The following DPP10 variants were observed in gnomAD, a reference collection of about 807,000 sequenced individuals.
DPP10 encodes the protein inactive dipeptidyl peptidase 10.
In DPP10, 33 loss-of-function variants were observed where a neutral mutation model predicts 120.9. That is an observed-to-expected ratio of 0.27 (90% CI 0.21 to 0.37). The LOEUF (loss-of-function observed/expected upper bound fraction) is 0.37. Ranked by LOEUF, DPP10 falls within the 10% of genes least tolerant of loss-of-function variation. The pLI, the probability that DPP10 is intolerant of heterozygous loss-of-function variation, is 1.00. For synonymous variants in DPP10, 337 were observed against 326.1 expected (o/e 1.03, Z -0.36); for missense variants, 816 against 942.8 (o/e 0.87, Z 1.76).
intron 21 of DPP10, among the ~76,000 whole-genome samples, chr2:115,818,057 A>T (rs1336257440): frequency 6.6e-6 from 1 of 152,208 alleles, no homozygotes; most frequent in Non-Finnish European, 1.5e-5. Flanking sequence ...TTGAAAAAAA[A>T]GAGAGGGATG....
intron 1 of DPP10, among the ~76,000 whole-genome samples, chr2:114,868,866 T>C (rs993664429): frequency 6.6e-6 from 1 of 152,192 alleles, no homozygotes; most frequent in Non-Finnish European, 1.5e-5. Context: ...CAGAGCTGGC[T>C]CTGCCACGTC....
At chr2:115,755,248 A>T (rs183151586) in intron 11 of DPP10, among the ~76,000 whole-genome samples, 3 of 152,242 alleles carry the variant, frequency 2.0e-5, no homozygotes. Flanking sequence ...CAATAAATAA[A>T]CAGGTGGAAA....
intron 1 of DPP10, among the ~76,000 whole-genome samples, chr2:114,837,535 G>T (rs1687837971): frequency 6.6e-6 from 1 of 152,034 alleles, no homozygotes; most frequent in African/African-American, 2.4e-5. Context: ...AATGTAGAAG[G>T]TTAGTTGCTT....
intron 1 of DPP10, among the ~76,000 whole-genome samples, chr2:114,924,329 C>A (rs980949569): frequency 3.9e-5 from 6 of 151,976 alleles, no homozygotes; most frequent in Admixed American, 1.3e-4. Context: ...GAGTTTGAGA[C>A]CAGGCTGGGC....
At chr2:114,514,098 A>G (rs1293192399) in intron 1 of DPP10, among the ~76,000 whole-genome samples, 1 of 152,206 alleles carries the variant, frequency 6.6e-6, no homozygotes, top group Non-Finnish European at 1.5e-5. Flanking sequence ...GAAAACCTCA[A>G]ATTCAGTGGA....
intron 1 of DPP10, among the ~76,000 whole-genome samples, chr2:115,154,984 C>T (rs1188184549): frequency 4.0e-5 from 6 of 151,736 alleles, no homozygotes; most frequent in Admixed American, 6.6e-5. Context: ...CTCCGCCTCC[C>T]GGGTTCAAGT....
chr2:115,463,657 A>T (rs1447723213), intron 3 of DPP10, among the ~76,000 whole-genome samples: 1 of 152,050 alleles, frequency 6.6e-6, no homozygotes, highest in Non-Finnish European at 1.5e-5. Flanking sequence ...ATCATACTTT[A>T]TTTTGGTCCA....
intron 1 of DPP10, among the ~76,000 whole-genome samples, chr2:114,708,703 A>C (rs1700835594): frequency 6.6e-6 from 1 of 152,176 alleles, no homozygotes; most frequent in Non-Finnish European, 1.5e-5. Flanking sequence ...TGGGTGTCAG[A>C]AAAGTCCTAA....
At chr2:115,154,974 C>T (rs1028738200) in intron 1 of DPP10, among the ~76,000 whole-genome samples, 2 of 151,750 alleles carry the variant, frequency 1.3e-5, no homozygotes, top group Non-Finnish European at 2.9e-5. Flanking sequence ...TCACTGCAAC[C>T]TCCGCCTCCC....
At chr2:114,600,473 C>A (rs1430875118) in intron 1 of DPP10, among the ~76,000 whole-genome samples, 1 of 151,704 alleles carries the variant, frequency 6.6e-6, no homozygotes, top group African/African-American at 2.4e-5. Context: ...TTTATAACAG[C>A]TGGTTTAAAG....
At chr2:114,805,879 G>A (rs960870013) in intron 1 of DPP10, among the ~76,000 whole-genome samples, 2 of 147,818 alleles carry the variant, frequency 1.4e-5, no homozygotes, top group African/African-American at 5.3e-5. Flanking sequence ...CCACTTAGGG[G>A]CAGGGAAGGT....
chr2:115,480,023 A>G (rs756016341), intron 3 of DPP10, among the ~76,000 whole-genome samples: 1 of 152,054 alleles, frequency 6.6e-6, no homozygotes, highest in African/African-American at 2.4e-5. Context: ...TACCCCTTCA[A>G]CTATAGCCTC....
chr2:115,203,416 C>T (rs1259883892), intron 1 of DPP10, among the ~76,000 whole-genome samples: 7 of 152,078 alleles, frequency 4.6e-5, no homozygotes, highest in African/African-American at 1.2e-4. Flanking sequence ...TAATGGCATA[C>T]GTGCTTCTTT....
intron 5 of DPP10, among the ~76,000 whole-genome samples, chr2:115,655,852 C>T (rs1440134894): frequency 6.6e-6 from 1 of 151,308 alleles, no homozygotes; most frequent in Non-Finnish European, 1.5e-5. Context: ...TAGGGGAAGG[C>T]TGAGGAGGAA....
At chr2:115,545,799 G>C (rs996939731) in intron 5 of DPP10, among the ~76,000 whole-genome samples, 1 of 152,088 alleles carries the variant, frequency 6.6e-6, no homozygotes, top group Non-Finnish European at 1.5e-5. Flanking sequence ...CTATTTGTTG[G>C]TTGAGAATGC....
At chr2:115,058,024 T>C (rs1374488831) in intron 1 of DPP10, among the ~76,000 whole-genome samples, 3 of 152,212 alleles carry the variant, frequency 2.0e-5, no homozygotes, top group Non-Finnish European at 4.4e-5. Context: ...AAATTTCTGC[T>C]GCGTTCGCAC....
chr2:115,368,719 G>A (rs909045404), intron 3 of DPP10, among the ~76,000 whole-genome samples: 12 of 151,692 alleles, frequency 7.9e-5, no homozygotes, highest in African/African-American at 2.9e-4. Context: ...AAGGCTGCAT[G>A]TTATTATGAA....
intron 1 of DPP10, among the ~76,000 whole-genome samples, chr2:115,167,572 A>G (rs1469092395): frequency 6.9e-6 from 1 of 145,874 alleles, no homozygotes; most frequent in African/African-American, 2.6e-5. Context: ...GTGCCACTGC[A>G]CTCTAGCTTG....
chr2:115,575,625 C>G (rs1364298340), intron 5 of DPP10, among the ~76,000 whole-genome samples: 7 of 152,252 alleles, frequency 4.6e-5, no homozygotes, highest in Admixed American at 6.5e-5. Context: ...CTCACCCTTG[C>G]AATTATCCAT....
Sources: allele counts gnomAD v4.1 joint callset (sites outside exome capture counted in the v4.1 genomes callset), GRCh38; gene constraint gnomAD v4.1.1; transcripts MANE v1.5; gene names NCBI Gene and HGNC (gene_info 2026-07-23, HGNC 2026-07-21).